Variants in MRPL1 observed in about 807,000 individuals in gnomAD.
The protein encoded by MRPL1 is mitochondrial ribosomal protein L1.
MRPL1 carries 28 observed loss-of-function variants against 38.0 expected under a neutral mutation model. The ratio of observed to expected loss-of-function variants is 0.74; its 90% CI spans 0.55 to 1.01. The LOEUF (loss-of-function observed/expected upper bound fraction) is 1.01, where lower values mean the gene tolerates loss of function less well. Among genes scored for constraint, MRPL1 ranks in the 50% least tolerant of loss-of-function variants. The pLI is 0.00. For missense variants in MRPL1, 358 were observed against 389.8 expected (o/e 0.92, Z 0.69); for synonymous variants, 123 against 126.7 (o/e 0.97, Z 0.20).
At chr4:77,895,992 A>T (rs952175516) in intron 6 of MRPL1, among the ~76,000 whole-genome samples, 1 of 152,182 alleles carries the variant, frequency 6.6e-6, no homozygotes, top group African/African-American at 2.4e-5. Flanking sequence ...GAGCAAAACA[A>T]ACAGTACTAA....
intron 7 of MRPL1, among the ~76,000 whole-genome samples, chr4:77,935,455 C>T (rs778663311): frequency 7.9e-5 from 12 of 151,718 alleles, no homozygotes; most frequent in East Asian, 3.9e-4. Flanking sequence ...AGTGCAGTGG[C>T]GCATCTTGGC....
In MRPL1 at chr4:77,883,448, C is replaced by T. The variant is rs1578041519; in HGVS notation, c.350C>T (p.Pro117Leu). 3 of 1,613,382 alleles carry T rather than the reference C, an allele frequency of 1.9e-6. No homozygotes were observed. The highest frequency in any genetic ancestry group is 2.5e-6 in the Non-Finnish European group (3 of 1,179,660). The part of the protein sequence containing the change: ...KKFQILDFTS[P>L]KQSVYLDLTL... ...TTTCAAATTCTTGACTTTACTAGTC[C>T]AAAGCAAAGTGTTTATCTTGATTTG... The change falls in exon 3 of 9, where the codon CCA becomes CTA. Residue 117 changes from proline (P) to leucine (L), a missense_variant. Physicochemically the swap from Pro to Leu is moderately conservative, Grantham distance 98. Coordinates refer to ENST00000315567, the MANE Select transcript of MRPL1 (RefSeq NM_020236.4).
chr4:77,928,979 T>C (rs1191785826), intron 7 of MRPL1, among the ~76,000 whole-genome samples: 1 of 152,198 alleles, frequency 6.6e-6, no homozygotes, highest in Non-Finnish European at 1.5e-5. Context: ...CATTAATCCA[T>C]TGTATTTACA....
intron 6 of MRPL1, chr4:77,908,242 AT>A (rs1018725511): frequency 8.1e-3 from 1,143 of 141,414 alleles, no homozygotes; most frequent in South Asian, 0.039. Context: ...TACTGTTATT[AT>A]TTTTTTTTTT....
intron 2 of MRPL1, among the ~76,000 whole-genome samples, chr4:77,879,795 G>T (rs886867814): frequency 1.3e-5 from 2 of 152,190 alleles, no homozygotes; most frequent in Non-Finnish European, 2.9e-5. Flanking sequence ...GTTGAGATGT[G>T]TTGTATGCAT....
chr4:77,926,672 G>A (rs1220044656), intron 7 of MRPL1, among the ~76,000 whole-genome samples: 1 of 150,034 alleles, frequency 6.7e-6, no homozygotes, highest in East Asian at 2.0e-4. Context: ...GCAGTGGTGC[G>A]ATCTTGGCTC....
chr4:77,932,527 G>C (rs1471906577), intron 7 of MRPL1, among the ~76,000 whole-genome samples: 2 of 152,100 alleles, frequency 1.3e-5, no homozygotes, highest in African/African-American at 2.4e-5. Context: ...GCACTGGAAA[G>C]CCTGCTTCCA....
In MRPL1 at chr4:77,875,479, A is replaced by G. The variant is rs531999584; in HGVS notation, c.143+3624A>G. On this transcript the variant is annotated intron_variant, in intron 2 of 8. Transcript: ENST00000315567. ...TTTGAGACCAGCTTGGTGAAACCCT[A>G]TCTCTACTAAAAATACCAAAAAATT... Among the ~76,000 whole-genome samples the G allele has an allele frequency of 4.4e-4, 67 of 151,942 alleles. 1 individual carries two copies. The highest frequency in any genetic ancestry group is 2.9e-3 in the South Asian group (14 of 4,808).
chr4:77,929,613 A>G (rs1014019211), intron 7 of MRPL1, among the ~76,000 whole-genome samples: 2 of 152,178 alleles, frequency 1.3e-5, no homozygotes, highest in Non-Finnish European at 2.9e-5. Flanking sequence ...TGTTAAAGTG[A>G]TGTAAAGCAT....
At chr4:77,888,178 G>C (rs571685658) in intron 5 of MRPL1, among the ~76,000 whole-genome samples, 56 of 152,118 alleles carry the variant, frequency 3.7e-4, no homozygotes, top group Middle Eastern at 3.2e-3. Flanking sequence ...CAGTATGGTA[G>C]CAACAAGTGA....
At chr4:77,883,169 T>A (rs1735584222) in intron 2 of MRPL1, 73 bp from the exon 3 acceptor site, 1 of 1,012,274 alleles carries the variant, frequency 9.9e-7, no homozygotes. Flanking sequence ...TTCTCTTATG[T>A]ACACTGGCTT....
chr4:77,926,101 C>T (rs1736706476), intron 7 of MRPL1, among the ~76,000 whole-genome samples: 1 of 152,128 alleles, frequency 6.6e-6, no homozygotes, highest in African/African-American at 2.4e-5. Context: ...GCTCTAGATA[C>T]CTCTGGAACT....
intron 2 of MRPL1, among the ~76,000 whole-genome samples, chr4:77,872,608 T>C (rs1735307826): frequency 6.6e-6 from 1 of 152,148 alleles, no homozygotes; most frequent in African/African-American, 2.4e-5. Flanking sequence ...CTCACACCTG[T>C]GATCCCGGCA....
rs189423998 is a variant in MRPL1 at position 77,889,889 on chromosome 4, A to G, written c.558+2598A>G. Among the ~76,000 whole-genome samples, 474 of 152,350 alleles carry G rather than the reference A, an allele frequency of 3.1e-3. 3 individuals carry two copies. Among genetic ancestry groups the G allele is most frequent in the African/African-American group, 0.011 (442 of 41,592 alleles). On this transcript the variant is annotated intron_variant, in intron 5 of 8. Coordinates refer to ENST00000315567, the MANE Select transcript of MRPL1 (RefSeq NM_020236.4). ...AAACTAGAAAATCTAGAAGAAATGG[A>G]TAAATTCCTGGACATATACACCCTC... is the stretch of plus-strand genomic sequence containing the variant.
chr4:77,931,057 A>G (rs934099165), intron 7 of MRPL1, among the ~76,000 whole-genome samples: 51 of 152,236 alleles, frequency 3.4e-4, no homozygotes, highest in Admixed American at 3.3e-3. Flanking sequence ...GCAATGGGTG[A>G]TTCACATTCT....
intron 7 of MRPL1, among the ~76,000 whole-genome samples, chr4:77,914,483 A>G (rs1469872053): frequency 2.6e-5 from 4 of 152,194 alleles, no homozygotes; most frequent in Admixed American, 1.3e-4. Context: ...AACATTAATT[A>G]AAAACGTGCA....
chr4:77,914,590 TTTA>T lies in MRPL1; in HGVS notation c.777+5225_777+5227del, dbSNP rs1018798726. ...TATGCAAAATAATTGTTTCGTAAAT[TTTA>T]TTATTAGAATTATCTTATAGTTAAA... On this transcript the variant is annotated intron_variant, in intron 7 of 8. Transcript: ENST00000315567. Among the ~76,000 whole-genome samples, 11 of 152,140 alleles carry T rather than the reference TTTA, an allele frequency of 7.2e-5. No homozygotes were observed. The East Asian group carries it at 1.2e-3, about 16-fold the overall frequency.
At chr4:77,945,932 A>G (rs1737252398) in intron 7 of MRPL1, among the ~76,000 whole-genome samples, 1 of 152,228 alleles carries the variant, frequency 6.6e-6, no homozygotes, top group Non-Finnish European at 1.5e-5. Context: ...ATAAGGGTCC[A>G]TGTTCAGCTG....
chr4:77,928,223 TAGAG>T (rs1736761754), intron 7 of MRPL1, among the ~76,000 whole-genome samples: 2 of 152,192 alleles, frequency 1.3e-5, no homozygotes, highest in African/African-American at 2.4e-5. Flanking sequence ...ATGTTGAAAT[TAGAG>T]AGCCTTTGGT....
Sources: gnomAD v4.1 joint callset for allele counts (sites outside exome capture counted in the v4.1 genomes callset) on GRCh38, gnomAD v4.1.1 for gene constraint, MANE v1.5 for transcripts, NCBI Gene and HGNC (gene_info 2026-07-23, HGNC 2026-07-21) for gene names.